The following BPNT2 variants were observed in gnomAD, a reference collection of about 807,000 sequenced individuals.
The protein encoded by BPNT2 is 3'(2'), 5'-bisphosphate nucleotidase 2.
Under a neutral mutation model 29.3 loss-of-function variants are expected in BPNT2, and 11 were observed. That is an observed-to-expected ratio of 0.38 (90% CI 0.24 to 0.62). The LOEUF (loss-of-function observed/expected upper bound fraction) is 0.62, where lower values mean the gene tolerates loss of function less well. Among genes scored for constraint, BPNT2 ranks in the 20% least tolerant of loss-of-function variants. The pLI, the probability that BPNT2 is intolerant of heterozygous loss-of-function variation, is 0.62. For missense variants in BPNT2, 459 were observed against 473.4 expected (o/e 0.97, Z 0.28); for synonymous variants, 195 against 187.7 (o/e 1.04, Z -0.32).
At chr8:56,982,924 G>A (rs1490296956) in intron 1 of BPNT2, among the ~76,000 whole-genome samples, 1 of 152,144 alleles carries the variant, frequency 6.6e-6, no homozygotes, top group East Asian at 1.9e-4. Context: ...TACGAATAAA[G>A]TATTGATCAT....
At position 56,963,874 on chromosome 8, in the gene BPNT2, C is replaced by T. The variant is rs375887598; in HGVS notation, c.999G>A (p.Gly333=). ...TCATTCTGATGCTAGCAAGGAGTCC[C>T]CCTTCAATGCCGTCTGAACCAGTGT... ...ISYTGSDGIE[G]GLLASIRMNH... Residue 333 remains glycine, a synonymous_variant, in exon 5 of 5, where the codon GGG becomes GGA. Transcript: ENST00000262644. 1 of 1,614,044 alleles carries T rather than the reference C, an allele frequency of 6.2e-7. No individual in the cohort carries two copies. Among genetic ancestry groups the T allele is most frequent in the East Asian group, 2.2e-5 (1 of 44,878 alleles).
Position 56,993,412 on chromosome 8 carries a change from C to T in BPNT2, c.174G>A (p.Gly58=), listed in dbSNP as rs1198985443. 1.9e-6 allele frequency: 3 copies of T among 1,563,146 alleles called. No homozygotes were observed. Among genetic ancestry groups the T allele is most frequent in the Non-Finnish European group, 2.6e-6 (3 of 1,160,750 alleles). The change falls in exon 1 of 5, where the codon GGG becomes GGA. Residue 58 remains glycine, a synonymous_variant. Coordinates refer to ENST00000262644, the MANE Select transcript of BPNT2 (RefSeq NM_017813.5). The stretch of plus-strand genomic sequence containing the variant: ...GCATCTCGCGCAAGTCCACGGTGCC[C>T]CCATCGGCCGCGGCCGCGGGCCCCG... ...GAAGPAAAAD[G]GTVDLREMLA...
rs1487146014 is a variant in BPNT2, at chr8:56,993,051, C to A, written c.387+148G>T. On this transcript the variant is annotated intron_variant, in intron 1 of 4. Coordinates refer to ENST00000262644, the MANE Select transcript of BPNT2 (RefSeq NM_017813.5). ...CAACCTCACCCAGCTCCTCTGCTGT[C>A]TGTCTGACCTTGTGCACGTTAACTT... The A allele has an allele frequency of 5.3e-6, 8 of 1,495,654 alleles. No individual in the cohort carries two copies. The South Asian group carries it at 7.5e-5, about 14-fold the overall frequency. The allele number at this position is 1,495,654 out of a possible 1,614,324, so 92.6% of individuals were successfully genotyped here.
rs1024687664 is a variant in BPNT2, at chr8:56,993,335, A to G, written c.251T>C (p.Val84Ala). ...AVRGGDEVRR[V>A]RESNVLHEKS... ...CTCGTGGAGGACGTTGCTCTCGCGG[A>G]CGCGCCTCACCTCGTCGCCGCCGCG... The change falls in exon 1 of 5, where the codon GTC becomes GCC. Residue 84 changes from valine (V) to alanine (A), a missense_variant. Transcript: ENST00000262644. 1 of 1,611,306 alleles carries G rather than the reference A, an allele frequency of 6.2e-7. No homozygotes were observed. Among genetic ancestry groups the G allele is most frequent in the Non-Finnish European group, 8.5e-7 (1 of 1,179,856 alleles).
Position 56,962,324 on chromosome 8 carries a change from A to T in BPNT2, c.*1469T>A, listed in dbSNP as rs1805851566. The T allele has an allele frequency of 6.6e-6, 1 of 152,256 alleles. No individual in the cohort carries two copies. The highest frequency in any genetic ancestry group is 1.9e-4 in the East Asian group (1 of 5,200). The allele number at this position is 152,256 out of a possible 1,614,324, so 9.4% of individuals were successfully genotyped here. A position where few individuals can be genotyped will look rare whatever the true frequency, so the allele number is the denominator to read the frequency against. ...TAAAGTATGCACATTCCACCAGGCT[A>T]GAACGTACATTCTTTGGTCAATTTT... is the stretch of plus-strand genomic sequence containing the variant. On this transcript the variant is annotated 3_prime_UTR_variant, in exon 5 of 5. Transcript: ENST00000262644.
At position 56,993,446 on chromosome 8, in the gene BPNT2, C is replaced by T; in HGVS notation, c.140G>A (p.Gly47Asp). The T allele has an allele frequency of 2.7e-6, 4 of 1,474,784 alleles. No individual in the cohort carries two copies. The highest frequency in any genetic ancestry group is 3.6e-6 in the Non-Finnish European group (4 of 1,117,398). The allele number at this position is 1,474,784 out of a possible 1,614,324, so 91.4% of individuals were successfully genotyped here. Residue 47 changes from glycine to aspartate, a missense_variant, in exon 1 of 5, where the codon GGC becomes GAC. Transcript: ENST00000262644. ...CGCGGCCGCGGGCCCCGCCGCGCCG[C>T]CGCCAGGCTCGCCGCCCAGGCCGAA... ...SLFGLGGEPG[G>D]GAAGPAAAAD... is the part of the protein sequence containing the mutation.
chr8:56,979,218 A>G (rs1487341315), intron 2 of BPNT2, among the ~76,000 whole-genome samples: 1 of 152,180 alleles, frequency 6.6e-6, no homozygotes, highest in Non-Finnish European at 1.5e-5. Context: ...TGTATAATAT[A>G]AACAATAACT....
At chr8:56,968,613 C>T (rs993358364) in intron 3 of BPNT2, among the ~76,000 whole-genome samples, 2 of 152,114 alleles carry the variant, frequency 1.3e-5, no homozygotes, top group African/African-American at 4.8e-5. Flanking sequence ...TTAAAGGCTG[C>T]AGTGAGCTAT....
At chr8:56,964,156 G>C in intron 4 of BPNT2, 92 bp from the exon 5 acceptor site, 1 of 914,190 alleles carries the variant, frequency 1.1e-6, no homozygotes. Flanking sequence ...AAAATAGCAG[G>C]ATGGAGTGTG....
Position 56,993,582 on chromosome 8 carries a change from C to G in BPNT2, c.4G>C (p.Ala2Pro). Residue 2 changes from alanine to proline, a missense_variant, in exon 1 of 5, where the codon GCC becomes CCC. Transcript: ENST00000262644. M[A>P]PMGIRLSPLG... ...GGGGAAAGGCGGATGCCCATGGGGG[C>G]CATGGCGTGGGAAGCCGGGCGCTCC... 1.4e-6 allele frequency: 2 copies of G among 1,436,778 alleles called. No individual in the cohort carries two copies. The highest frequency in any genetic ancestry group is 1.8e-6 in the Non-Finnish European group (2 of 1,090,926). The allele number at this position is 1,436,778 out of a possible 1,614,324, so 89.0% of individuals were successfully genotyped here.
intron 3 of BPNT2, among the ~76,000 whole-genome samples, chr8:56,971,506 C>T (rs747335314): frequency 9.9e-5 from 15 of 151,822 alleles, no homozygotes; most frequent in Non-Finnish European, 1.8e-4. Context: ...GAAAAAAATT[C>T]ACGGACAAAT....
Position 56,993,284 on chromosome 8 carries a change from C to G in BPNT2, c.302G>C (p.Gly101Ala). 1 of 1,611,748 alleles carries G rather than the reference C, an allele frequency of 6.2e-7. No individual in the cohort carries two copies. The highest frequency in any genetic ancestry group is 8.5e-7 in the Non-Finnish European group (1 of 1,179,950). ...HEKSKGKTRE[G>A]AEDKMTSGDV... ...GCCGCTGGTCATCTTGTCCTCGGCT[C>G]CCTCGCGCGTCTTCCCCTTGGACTT... The change falls in exon 1 of 5, where the codon GGA (glycine) becomes GCA (alanine). Residue 101 changes from glycine to alanine, a missense_variant. Physicochemically the swap from Gly to Ala is moderately conservative, Grantham distance 60. Transcript: ENST00000262644.
rs1303172401 is a variant in BPNT2, at chr8:56,958,780, G to A, written c.*5013C>T. ...TGCCCTGTCATCATGGCAGAGCACTGTCTCTTCTGTGGGACTGAAACAGCT... is the reference window on the plus strand; with the variant it reads ...TGCCCTGTCATCATGGCAGAGCACTATCTCTTCTGTGGGACTGAAACAGCT... On this transcript the variant is annotated 3_prime_UTR_variant, in exon 5 of 5. Transcript: ENST00000262644. 6.6e-6 allele frequency: 1 copy of A among 152,192 alleles called. No homozygotes were observed. Among genetic ancestry groups the A allele is most frequent in the African/African-American group, 2.4e-5 (1 of 41,444 alleles). 9.4% of individuals were successfully genotyped at this position (152,192 alleles called of 1,614,324 possible). A position where few individuals can be genotyped will look rare whatever the true frequency, so the allele number is the denominator to read the frequency against.
intron 1 of BPNT2, among the ~76,000 whole-genome samples, chr8:56,985,512 G>C (rs1806313873): frequency 2.0e-5 from 3 of 152,072 alleles, no homozygotes; most frequent in African/African-American, 7.2e-5. Flanking sequence ...CATTATGGTG[G>C]GAATGAACAA....
Position 56,993,853 on chromosome 8 carries a change from C to T in BPNT2, c.-268G>A, listed in dbSNP as rs1055855965. 2 of 217,062 alleles carry T rather than the reference C, an allele frequency of 9.2e-6. No homozygotes were observed. Among genetic ancestry groups the T allele is most frequent in the Non-Finnish European group, 1.6e-5 (2 of 126,826 alleles). 13.4% of individuals were successfully genotyped at this position (217,062 alleles called of 1,614,324 possible). A position where few individuals can be genotyped will look rare whatever the true frequency, so the allele number is the denominator to read the frequency against. Reference sequence around the variant, plus strand: ...CGGCTGGTCCGACTTCCACGTTAGCCTACGGCCGCGAGGTGAAAGGGGAGC... The same window carrying T: ...CGGCTGGTCCGACTTCCACGTTAGCTTACGGCCGCGAGGTGAAAGGGGAGC... On this transcript the variant is annotated 5_prime_UTR_variant, in exon 1 of 5. Coordinates refer to ENST00000262644, the MANE Select transcript of BPNT2 (RefSeq NM_017813.5).
rs547787251 is a variant in BPNT2, at chr8:56,961,003, A to G, written c.*2790T>C. On this transcript the variant is annotated 3_prime_UTR_variant, in exon 5 of 5. Transcript: ENST00000262644. ...AGGGAAGTATCCTGGCTAAGAAAGA[A>G]AAGCAGAGATAAAGGAGAACATGAA... The G allele has an allele frequency of 6.6e-6, 1 of 152,346 alleles. No individual in the cohort carries two copies. The highest frequency in any genetic ancestry group is 1.9e-4 in the East Asian group (1 of 5,178). 9.4% of individuals were successfully genotyped at this position (152,346 alleles called of 1,614,324 possible).
chr8:56,974,153 C>T (rs1457171948), intron 3 of BPNT2, among the ~76,000 whole-genome samples: 1 of 152,098 alleles, frequency 6.6e-6, no homozygotes, highest in African/African-American at 2.4e-5. Flanking sequence ...AGAAACAGTA[C>T]ATCATAAATA....
Position 56,993,325 on chromosome 8 carries a change from G to A in BPNT2, c.261C>T (p.Ser87=). 1 of 1,611,748 alleles carries A rather than the reference G, an allele frequency of 6.2e-7. No homozygotes were observed. ...GGDEVRRVRE[S]NVLHEKSKGK... ...CCTTGGACTTCTCGTGGAGGACGTTGCTCTCGCGGACGCGCCTCACCTCGT... is the reference window on the plus strand; with the variant it reads ...CCTTGGACTTCTCGTGGAGGACGTTACTCTCGCGGACGCGCCTCACCTCGT... Residue 87 remains serine (S), a synonymous_variant, in exon 1 of 5, where the codon AGC becomes AGT. Transcript: ENST00000262644.
intron 4 of BPNT2, 86 bp downstream of exon 4, chr8:56,966,105 A>G: frequency 1.4e-6 from 2 of 1,443,980 alleles, no homozygotes; most frequent in Non-Finnish European, 9.7e-7. Context: ...TTTCCTCCCA[A>G]GCATGGACAA....
Sources: allele counts gnomAD v4.1 joint callset (sites outside exome capture counted in the v4.1 genomes callset), GRCh38; gene constraint gnomAD v4.1.1; transcripts MANE v1.5; gene names NCBI Gene and HGNC (gene_info 2026-07-23, HGNC 2026-07-21).